Variants in RORA observed in about 807,000 individuals in gnomAD.
RORA encodes the protein nuclear receptor ROR-alpha.
In RORA, 7 loss-of-function variants were observed where a neutral mutation model predicts 69.5. That is an observed-to-expected ratio of 0.10 (90% CI 0.06 to 0.19). The LOEUF is 0.19. RORA is among the 10% of genes least tolerant of loss of function. The pLI is 1.00. For missense variants in RORA, 457 were observed against 663.0 expected (o/e 0.69, Z 3.41); for synonymous variants, 261 against 240.8 (o/e 1.08, Z -0.78).
chr15:60,552,533 C>T (rs868664612), intron 2 of RORA, among the ~76,000 whole-genome samples: 11 of 152,172 alleles, frequency 7.2e-5, no homozygotes, highest in African/African-American at 2.7e-4. Context: ...GCCTCAGTGC[C>T]TGACACATAG....
At chr15:60,741,891 C>T (rs1046018681) in intron 1 of RORA, among the ~76,000 whole-genome samples, 3 of 152,180 alleles carry the variant, frequency 2.0e-5, no homozygotes, top group Non-Finnish European at 4.4e-5. Flanking sequence ...CTCAAACCAA[C>T]CGTGCAAATC....
At chr15:60,684,758 C>A (rs986221768) in intron 1 of RORA, among the ~76,000 whole-genome samples, 2 of 152,086 alleles carry the variant, frequency 1.3e-5, no homozygotes, top group Non-Finnish European at 2.9e-5. Context: ...CTTGAATTGG[C>A]CCAACTCATG....
intron 1 of RORA, among the ~76,000 whole-genome samples, chr15:60,812,204 T>C (rs1440528259): frequency 6.6e-6 from 1 of 152,166 alleles, no homozygotes; most frequent in East Asian, 1.9e-4. Flanking sequence ...TGTAAGTTTA[T>C]TGTGAAAATT....
chr15:61,136,676 T>C (rs2079243205), intron 1 of RORA, among the ~76,000 whole-genome samples: 1 of 152,168 alleles, frequency 6.6e-6, no homozygotes. Flanking sequence ...TTTCAATCAG[T>C]ATAATTCAGA....
At chr15:60,874,700 G>A (rs2073594524) in intron 1 of RORA, among the ~76,000 whole-genome samples, 1 of 152,160 alleles carries the variant, frequency 6.6e-6, no homozygotes, top group South Asian at 2.1e-4. Flanking sequence ...ATGATTTACA[G>A]AATTATGGAA....
intron 1 of RORA, among the ~76,000 whole-genome samples, chr15:60,792,329 T>C (rs1030695074): frequency 1.3e-5 from 2 of 152,240 alleles, no homozygotes; most frequent in East Asian, 3.9e-4. Context: ...TCAAACAGTA[T>C]ACATATATGA....
At chr15:60,943,734 G>A (rs900925015) in intron 1 of RORA, among the ~76,000 whole-genome samples, 6 of 151,292 alleles carry the variant, frequency 4.0e-5, no homozygotes, top group East Asian at 1.9e-4. Context: ...TGGGCAACAC[G>A]GTGAAACCCC....
chr15:60,678,603 T>C lies in RORA; in HGVS notation c.196+54A>G, dbSNP rs376486416. 14 of 1,340,078 alleles carry C rather than the reference T, an allele frequency of 1.0e-5. No individual in the cohort carries two copies. In the African/African-American group the frequency reaches 1.6e-4, roughly 15 times the overall value. 83.0% of individuals were successfully genotyped at this position (1,340,078 alleles called of 1,614,324 possible). The stretch of plus-strand genomic sequence containing the variant: ...TGAAGGGTCACAGCAGCCAGACATA[T>C]GCGAATTCCAACTCTTCAGAAAACT... On this transcript the variant is annotated intron_variant, in intron 2 of 10. Coordinates refer to ENST00000335670, the MANE Select transcript of RORA (RefSeq NM_134261.3).
At chr15:61,127,802 A>G (rs1375855342) in intron 1 of RORA, among the ~76,000 whole-genome samples, 1 of 151,772 alleles carries the variant, frequency 6.6e-6, no homozygotes, top group Non-Finnish European at 1.5e-5. Context: ...ACCCAGCACA[A>G]CTCCATTCAC....
chr15:60,714,180 A>G (rs976946440), intron 1 of RORA, among the ~76,000 whole-genome samples: 1 of 151,872 alleles, frequency 6.6e-6, no homozygotes, highest in Non-Finnish European at 1.5e-5. Context: ...CAGCCTCCCA[A>G]GTAGCTGAGA....
chr15:60,867,243 G>A (rs34875364), intron 1 of RORA, among the ~76,000 whole-genome samples: 9,142 of 152,214 alleles, frequency 0.06, 377 homozygotes, highest in Non-Finnish European at 0.096. Flanking sequence ...TCTAGTAAGT[G>A]ACTGAGCCTG....
chr15:61,125,805 G>C (rs117009439), intron 1 of RORA, among the ~76,000 whole-genome samples: 4,304 of 152,218 alleles, frequency 0.028, 108 homozygotes, highest in Middle Eastern at 0.044. Flanking sequence ...AAATGCTTTT[G>C]ATTTGAATAA....
In RORA at chr15:60,960,318, T is replaced by G. The variant is rs533414162; in HGVS notation, c.166+268735A>C. On this transcript the variant is annotated intron_variant, in intron 1 of 10. Coordinates refer to ENST00000335670, the MANE Select transcript of RORA (RefSeq NM_134261.3). Reference sequence around the variant, plus strand: ...TGCAATTCCTGTAGCAAAGACAACCTCTACAAGCAAATGAGCCAGCCATTT... The same window carrying G: ...TGCAATTCCTGTAGCAAAGACAACCGCTACAAGCAAATGAGCCAGCCATTT... Among the ~76,000 whole-genome samples, 24 of 152,266 alleles carry G rather than the reference T, an allele frequency of 1.6e-4. No individual in the cohort carries two copies. In the East Asian group the frequency reaches 4.2e-3, roughly 27 times the overall value.
At chr15:61,101,041 A>C (rs1351478221) in intron 1 of RORA, among the ~76,000 whole-genome samples, 1 of 152,228 alleles carries the variant, frequency 6.6e-6, no homozygotes, top group Non-Finnish European at 1.5e-5. Flanking sequence ...TGCACATATT[A>C]ACTGCTCATC....
In RORA at chr15:60,879,710, A is replaced by G. The variant is rs544759147; in HGVS notation, c.167-201024T>C. 1.1e-4 allele frequency among the ~76,000 whole-genome samples: 17 copies of G among 152,326 alleles called. No homozygotes were observed. The East Asian group carries it at 2.5e-3, about 22-fold the overall frequency. On this transcript the variant is annotated intron_variant, in intron 1 of 10. Coordinates refer to ENST00000335670, the MANE Select transcript of RORA (RefSeq NM_134261.3). ...GGAGATCAGACATCAGAGGATATCA[A>G]TGAAATTTATGTCTAACAGGCTAAT...
rs7168250 is a variant in RORA, at chr15:61,216,373, G to A, written c.166+12680C>T. 5.8e-3 allele frequency among the ~76,000 whole-genome samples: 878 copies of A among 152,290 alleles called. 11 individuals carry two copies. Among genetic ancestry groups the A allele is most frequent in the African/African-American group, 0.02 (849 of 41,550 alleles). On this transcript the variant is annotated intron_variant, in intron 1 of 10. Transcript: ENST00000335670. The stretch of plus-strand genomic sequence containing the variant: ...TTGCGAGTCTTTTAGAGTATTGCTT[G>A]CAAAGTGCATGTAAATTATTAGATT...
chr15:60,607,388 A>C (rs1341821405), intron 2 of RORA, among the ~76,000 whole-genome samples: 1 of 152,234 alleles, frequency 6.6e-6, no homozygotes, highest in Non-Finnish European at 1.5e-5. Flanking sequence ...AGGCACTTAT[A>C]GAAATACGCT....
chr15:60,976,726 T>A (rs1268140332), intron 1 of RORA, among the ~76,000 whole-genome samples: 1 of 152,026 alleles, frequency 6.6e-6, no homozygotes, highest in Non-Finnish European at 1.5e-5. Context: ...AAGAAATCCC[T>A]ATCTCCCCCA....
At chr15:60,873,850 G>T (rs1414254992) in intron 1 of RORA, among the ~76,000 whole-genome samples, 1 of 152,076 alleles carries the variant, frequency 6.6e-6, no homozygotes, top group Non-Finnish European at 1.5e-5. Flanking sequence ...GTAGGTAATA[G>T]GTATAAAATA....
Sources: allele counts gnomAD v4.1 joint callset (sites outside exome capture counted in the v4.1 genomes callset), GRCh38; gene constraint gnomAD v4.1.1; transcripts MANE v1.5; gene names NCBI Gene and HGNC (gene_info 2026-07-23, HGNC 2026-07-21).